Variants in PKD1 observed in about 807,000 individuals in gnomAD.
The protein encoded by PKD1 is polycystin 1, transient receptor potential channel interacting.
Under a neutral mutation model 361.7 loss-of-function variants are expected in PKD1, and 81 were observed. The ratio of observed to expected loss-of-function variants is 0.22; its 90% CI spans 0.19 to 0.27. The LOEUF is 0.27. Ranked by LOEUF, PKD1 falls within the 10% of genes least tolerant of loss-of-function variation. The pLI is 1.00. For synonymous variants in PKD1, 3,615 were observed against 2,818.3 expected (o/e 1.28, Z -8.95); for missense variants, 6,399 against 6,118.3 (o/e 1.05, Z -1.53).
At chr16:2,125,892 C>T (rs992067783) in intron 1 of PKD1, among the ~76,000 whole-genome samples, 1 of 152,170 alleles carries the variant, frequency 6.6e-6, no homozygotes, top group African/African-American at 2.4e-5. Context: ...GATGGGCACA[C>T]TGAGGCTCAA....
In PKD1 at chr16:2,100,219, G is replaced by A. The variant is rs144246138; in HGVS notation, c.9659C>T (p.Ser3220Leu). The change falls in exon 28 of 46, where the codon TCG becomes TTG. Residue 3220 changes from serine to leucine, a missense_variant. Physicochemically the swap from Ser to Leu is moderately radical, Grantham distance 145. Transcript: ENST00000262304. This position sits in a 1 kb window ranked among gnomAD's most constrained non-coding sequence, Gnocchi z 4.4. ...SAFFLVNDWL[S>L]VETEANGGLV... ...GCCCCCGTTGGCCTCCGTCTCCACC[G>A]AAAGCCAGTCATTGACCAGGAAGAA... is the stretch of plus-strand genomic sequence containing the variant. 4 of 1,610,254 alleles carry A rather than the reference G, an allele frequency of 2.5e-6. No individual in the cohort carries two copies. Among genetic ancestry groups the A allele is most frequent in the South Asian group, 2.2e-5 (2 of 90,998 alleles).
Position 2,102,183 on chromosome 16 carries a change from G to A in PKD1, c.9275C>T (p.Ala3092Val), listed in dbSNP as rs1447121645. 2 of 1,527,458 alleles carry A rather than the reference G, an allele frequency of 1.3e-6. No homozygotes were observed. The highest frequency in any genetic ancestry group is 1.8e-6 in the Non-Finnish European group (2 of 1,111,424). 94.6% of individuals were successfully genotyped at this position (1,527,458 alleles called of 1,614,324 possible). ...CTGGTCCAGCTTGTGCAGGATGGCGGCCATGACCATGTAGGTCACCAGGCA... is the reference window on the plus strand; with the variant it reads ...CTGGTCCAGCTTGTGCAGGATGGCGACCATGACCATGTAGGTCACCAGGCA... ...AVCLVTYMVM[A>V]AILHKLDQLD... is the part of the protein sequence containing the mutation. The change falls in exon 26 of 46, where the codon GCC (alanine) becomes GTC (valine). Residue 3092 changes from alanine (A) to valine (V), a missense_variant. Ala to Val is a moderately conservative substitution (Grantham distance 64, BLOSUM62 0). Transcript: ENST00000262304.
chr16:2,108,067 G>A (rs778557040), intron 15 of PKD1, 35 bp from the exon 16 acceptor site: 2 of 1,586,702 alleles, frequency 1.3e-6, no homozygotes, highest in East Asian at 4.6e-5. Context: ...CGTGGCCTGA[G>A]AGCCCCATCC....
chr16:2,126,286 G>A (rs28529120), intron 1 of PKD1, among the ~76,000 whole-genome samples: 1 of 152,252 alleles, frequency 6.6e-6, no homozygotes, highest in Non-Finnish European at 1.5e-5. Flanking sequence ...AGAAGGAAGA[G>A]CTGGCTTCCG....
At position 2,108,888 on chromosome 16, in the gene PKD1, G is replaced by A. The variant is rs1391723764; in HGVS notation, c.6279C>T (p.His2093=). 3 of 1,580,632 alleles carry A rather than the reference G, an allele frequency of 1.9e-6. No homozygotes were observed. Among genetic ancestry groups the A allele is most frequent in the African/African-American group, 1.4e-5 (1 of 74,040 alleles). The change falls in exon 15 of 46, where the codon CAC becomes CAT. Residue 2093 remains histidine, a synonymous_variant. Transcript: ENST00000262304. The part of the protein sequence containing the change: ...TSPSPRRVAY[H]WDFGDGSPGQ... ...CTGGCGACCCATCCCCAAAGTCCCA[G>A]TGGTAGGCCACACGCCGGGGGCTGG...
At chr16:2,121,927 G>A (rs565038813) in intron 1 of PKD1, among the ~76,000 whole-genome samples, 38 of 152,318 alleles carry the variant, frequency 2.5e-4, no homozygotes, top group African/African-American at 8.2e-4. Context: ...GCCCCAAGCC[G>A]GGGCGGCCTC....
At chr16:2,093,125 G>A in intron 37 of PKD1, 32 bp from the exon 38 acceptor site, 1 of 1,611,160 alleles carries the variant, frequency 6.2e-7, no homozygotes, top group Non-Finnish European at 8.5e-7. Flanking sequence ...TGGTCAGCCT[G>A]GCCCCAGCCC....
chr16:2,091,069 G>A lies in PKD1; in HGVS notation c.11818C>T (p.Leu3940=), dbSNP rs2091495673. 1 of 1,516,310 alleles carries A rather than the reference G, an allele frequency of 6.6e-7. No homozygotes were observed. The highest frequency in any genetic ancestry group is 8.8e-7 in the Non-Finnish European group (1 of 1,137,734). The allele number at this position is 1,516,310 out of a possible 1,614,324, so 93.9% of individuals were successfully genotyped here. ...VLRLGAWARW[L]LVALTAATAL... is the part of the protein sequence containing the mutation. ...GTGGCCGCCGTCAGCGCCACCAGCA[G>A]CCACCGCGCCCAGGCTCCGAGCCGC... The change falls in exon 43 of 46, where the codon CTG becomes TTG. Residue 3940 remains leucine, a synonymous_variant. Coordinates refer to ENST00000262304, the MANE Select transcript of PKD1 (RefSeq NM_001009944.3).
At position 2,108,569 on chromosome 16, in the gene PKD1, G is replaced by A. The variant is rs140869992; in HGVS notation, c.6598C>T (p.Arg2200Cys). Reference protein sequence around the residue: ...YRTASCQRPGRPARVALPGVD... With the variant: ...YRTASCQRPGCPARVALPGVD... ...CCGGGCAGGGCCACACGCGCTGGGC[G>A]CCCCGGCCGCTGGCAGCTGGCGGTG... Residue 2200 changes from arginine (R) to cysteine (C), a missense_variant, in exon 15 of 46, where the codon CGC becomes TGC. Physicochemically the swap from Arg to Cys is radical, Grantham distance 180. Transcript: ENST00000262304. 21,491 of 1,568,720 alleles carry A rather than the reference G, an allele frequency of 0.014. 167 individuals are homozygous for A. The highest frequency in any genetic ancestry group is 0.016 in the Non-Finnish European group (18,232 of 1,157,096).
intron 14 of PKD1, among the ~76,000 whole-genome samples, chr16:2,112,125 G>A (rs1012414659): frequency 6.2e-4 from 95 of 152,346 alleles, no homozygotes; most frequent in African/African-American, 2.1e-3. Context: ...CAGGCCCGGG[G>A]AGGGCGGGGG....
Position 2,111,441 on chromosome 16 carries a change from C to G in PKD1, c.3726G>C (p.Thr1242=). The G allele has an allele frequency of 6.2e-7, 1 of 1,611,904 alleles. No individual in the cohort carries two copies. The highest frequency in any genetic ancestry group is 8.5e-7 in the Non-Finnish European group (1 of 1,179,542). The part of the protein sequence containing the change: ...SAAVQTGDNI[T]WTFDMGDGTV... ...TGCCGTCCCCCATGTCGAAGGTCCA[C>G]GTGATGTTGTCGCCCGTCTGCACCG... The change falls in exon 15 of 46, where the codon ACG becomes ACC. Residue 1242 remains threonine, a synonymous_variant. Transcript: ENST00000262304.
chr16:2,115,302 G>C, intron 10 of PKD1, 76 bp downstream of exon 10: 1 of 1,386,996 alleles, frequency 7.2e-7, no homozygotes, highest in Non-Finnish European at 9.9e-7. Flanking sequence ...CTGGTGCACA[G>C]ACCCAGACCC....
rs755218423 is a variant in PKD1 at position 2,094,303 on chromosome 16, C to T, written c.10500-93G>A. The T allele has an allele frequency of 1.6e-4, 129 of 794,624 alleles. 1 individual carries two copies. The highest frequency in any genetic ancestry group is 2.1e-4 in the Admixed American group (11 of 52,348). 49.2% of individuals were successfully genotyped at this position (794,624 alleles called of 1,614,324 possible). On this transcript the variant is annotated intron_variant, in intron 34 of 45. Transcript: ENST00000262304. ...AACCTGGGCGGGCAGTTTCTTGAGC[C>T]TCTTGGGTCACAGGGTCCCCCCGAC...
At position 2,099,938 on chromosome 16, in the gene PKD1, G is replaced by A. The variant is rs754490236; in HGVS notation, c.9846C>T (p.Thr3282=). Residue 3282 remains threonine (T), a synonymous_variant, in exon 29 of 46, where the codon ACC becomes ACT. Transcript: ENST00000262304. The stretch of plus-strand genomic sequence containing the variant: ...AGAGGCAGATGAGGAGAACGCAGCA[G>A]GTGGCCCTCTGGATGCGAGTGAAAC... The part of the protein sequence containing the change: ...RSRFTRIQRA[T]CCVLLICLFL... The A allele has an allele frequency of 7.0e-6, 11 of 1,562,082 alleles. No individual in the cohort carries two copies. The highest frequency in any genetic ancestry group is 2.3e-5 in the South Asian group (2 of 85,354).
chr16:2,096,381 G>T (rs1158622921), intron 34 of PKD1, among the ~76,000 whole-genome samples: 1 of 152,270 alleles, frequency 6.6e-6, no homozygotes, highest in Non-Finnish European at 1.5e-5. Context: ...CAGAGCCCGG[G>T]GTCACACGCG....
At position 2,100,155 on chromosome 16, in the gene PKD1, C is replaced by T. The variant is rs752344798; in HGVS notation, c.9712+11G>A. 1.1e-5 allele frequency: 18 copies of T among 1,606,492 alleles called. No homozygotes were observed. Among genetic ancestry groups the T allele is most frequent in the Middle Eastern group, 2.2e-4 (1 of 4,446 alleles). ...CCTCCCACGGAGTGGGAACATGGAA[C>T]GAGGCCTTACTCGCGGCCAGCACCT... On this transcript the variant is annotated intron_variant, in intron 28 of 45. Transcript: ENST00000262304. The surrounding 1 kb of genome is among the most constrained non-coding windows in gnomAD (Gnocchi z 4.4).
chr16:2,090,184 T>C lies in PKD1; in HGVS notation c.12455A>G (p.Lys4152Arg), dbSNP rs578031762. The C allele has an allele frequency of 6.2e-7, 1 of 1,603,982 alleles. No individual in the cohort carries two copies. The highest frequency in any genetic ancestry group is 1.7e-5 in the Admixed American group (1 of 59,416). The change falls in exon 46 of 46, where the codon AAA (lysine) becomes AGA (arginine). Residue 4152 changes from lysine (K) to arginine (R), a missense_variant. Lys to Arg is a conservative substitution (Grantham distance 26). Coordinates refer to ENST00000262304, the MANE Select transcript of PKD1 (RefSeq NM_001009944.3). ...GLSKVKEFRHKVRFEGMEPLP... is the reference protein window; with the variant it reads ...GLSKVKEFRHRVRFEGMEPLP... ...CGGCTCCATCCCTTCAAAGCGGACT[T>C]TGTGGCGGAACTGGGGGCGGCACAG...
chr16:2,122,019 C>G lies in PKD1; in HGVS notation c.216-2641G>C, dbSNP rs375693286. 6.6e-5 allele frequency among the ~76,000 whole-genome samples: 10 copies of G among 152,376 alleles called. No individual in the cohort carries two copies. The East Asian group carries it at 1.7e-3, about 26-fold the overall frequency. ...AGCTCCGCTCCCACAGGAGCCTACC[C>G]GGCGCAGGAGAGACGCACACACAGG... is the stretch of plus-strand genomic sequence containing the variant. On this transcript the variant is annotated intron_variant, in intron 1 of 45. Coordinates refer to ENST00000262304, the MANE Select transcript of PKD1 (RefSeq NM_001009944.3).
Position 2,092,365 on chromosome 16 carries a change from T to TA in PKD1, c.11269+114dup, listed in dbSNP as rs1206883041. 1.3e-5 allele frequency: 13 copies of TA among 970,908 alleles called. No individual in the cohort carries two copies. The African/African-American group carries it at 2.1e-4, about 16-fold the overall frequency. The allele number at this position is 970,908 out of a possible 1,614,324, so 60.1% of individuals were successfully genotyped here. On this transcript the variant is annotated intron_variant, in intron 39 of 45. Transcript: ENST00000262304. ...TATACAGAGAAGGAAACGGCGGTGT[T>TA]AAGAGGGCAAAGGTCACACAGCTAG... is the stretch of plus-strand genomic sequence containing the variant.
Sources: gnomAD v4.1 joint callset for allele counts (sites outside exome capture counted in the v4.1 genomes callset) on GRCh38, gnomAD v4.1.1 for gene constraint, Gnocchi (gnomAD v3.1) non-coding constraint, MANE v1.5 for transcripts, NCBI Gene and HGNC (gene_info 2026-07-23, HGNC 2026-07-21) for gene names.